Variants in APCDD1L observed in about 807,000 individuals in gnomAD.
APCDD1L encodes the protein APC down-regulated 1 like.
Under a neutral mutation model 24.2 loss-of-function variants are expected in APCDD1L, and 21 were observed. The ratio of observed to expected loss-of-function variants is 0.87; its 90% CI spans 0.61 to 1.25. The LOEUF (loss-of-function observed/expected upper bound fraction) is 1.25. Ranked by LOEUF, APCDD1L falls within the 50% of genes most tolerant of loss-of-function variation. APCDD1L has a pLI of 0.00. For synonymous variants in APCDD1L, 321 were observed against 323.6 expected, an observed-to-expected ratio of 0.99 and a Z score of 0.09; for missense variants, 704 against 711.7, an observed-to-expected ratio of 0.99 and a Z score of 0.12.
chr20:58,462,731 C>A (rs1989631920), intron 3 of APCDD1L, among the ~76,000 whole-genome samples: 2 of 151,828 alleles, frequency 1.3e-5, no homozygotes, highest in South Asian at 2.1e-4. Context: ...GTATTCCCAG[C>A]TACTCAGGAG....
At position 58,460,751 on chromosome 20, in the gene APCDD1L, T is replaced by TG. The variant is rs1376096239; in HGVS notation, c.*38dup. 2.0e-6 allele frequency: 3 copies of TG among 1,506,840 alleles called. No homozygotes were observed. Among genetic ancestry groups the TG allele is most frequent in the Non-Finnish European group, 2.7e-6 (3 of 1,127,782 alleles). The allele number at this position is 1,506,840 out of a possible 1,614,324, so 93.3% of individuals were successfully genotyped here. A position where few individuals can be genotyped will look rare whatever the true frequency, so the allele number is the denominator to read the frequency against. On this transcript the variant is annotated 3_prime_UTR_variant, in exon 4 of 4. Transcript: ENST00000371149. The surrounding 1 kb of genome is among the most constrained non-coding windows in gnomAD (Gnocchi z 4.2). ...CCAGGAGGGAGTCTGAAGGGTTGAA[T>TG]GGGTGTCCAGAGCCGCCATCCTGAT...
chr20:58,483,319 C>T (rs1990060590), intron 1 of APCDD1L, among the ~76,000 whole-genome samples: 1 of 152,106 alleles, frequency 6.6e-6, no homozygotes, highest in East Asian at 1.9e-4. Context: ...CTGGAATGTT[C>T]TCCAGGAGGT....
chr20:58,460,899 G>A lies in APCDD1L; in HGVS notation c.1397C>T (p.Pro466Leu), dbSNP rs138379271. The change falls in exon 4 of 4, where the codon CCG becomes CTG. Residue 466 changes from proline to leucine, a missense_variant. Physicochemically the swap from Pro to Leu is moderately conservative, Grantham distance 98. Transcript: ENST00000371149. The surrounding 1 kb of genome is among the most constrained non-coding windows in gnomAD (Gnocchi z 4.2). ...HGEAPDFSRP[P>L]QHRPSLQKHP... ...CTTCTGCAGCGATGGCCTGTGCTGCGGTGGCCTGGAGAAGTCGGGGGCCTC... is the reference window on the plus strand; with the variant it reads ...CTTCTGCAGCGATGGCCTGTGCTGCAGTGGCCTGGAGAAGTCGGGGGCCTC... The A allele has an allele frequency of 2.8e-5, 45 of 1,608,934 alleles. No homozygotes were observed. The highest frequency in any genetic ancestry group is 4.4e-5 in the South Asian group (4 of 90,606).
chr20:58,480,140 C>T (rs948361999), intron 1 of APCDD1L, among the ~76,000 whole-genome samples: 4 of 152,180 alleles, frequency 2.6e-5, no homozygotes, highest in African/African-American at 9.7e-5. Context: ...TCTTCGTGTT[C>T]AGGGCTGGCA....
In APCDD1L at chr20:58,502,036, C is replaced by T. The variant is rs182140677; in HGVS notation, c.49+12623G>A. On this transcript the variant is annotated intron_variant, in intron 1 of 3. Coordinates refer to ENST00000371149, the MANE Select transcript of APCDD1L (RefSeq NM_153360.3). ...ATCTAATAGCCCACCTCCCTGGTCA[C>T]TCTCCCCACTCCCTTTCTCCTCTCC... 1.1e-4 allele frequency among the ~76,000 whole-genome samples: 16 copies of T among 152,300 alleles called. No homozygotes were observed. The East Asian group carries it at 2.5e-3, about 24-fold the overall frequency.
chr20:58,506,679 A>G (rs907159993), intron 1 of APCDD1L, among the ~76,000 whole-genome samples: 1 of 152,202 alleles, frequency 6.6e-6, no homozygotes, highest in Non-Finnish European at 1.5e-5. Context: ...TTCTCTCTTC[A>G]ACAACTCTCA....
At chr20:58,492,716 C>T (rs1010570005) in intron 1 of APCDD1L, among the ~76,000 whole-genome samples, 3 of 152,260 alleles carry the variant, frequency 2.0e-5, no homozygotes, top group Admixed American at 6.5e-5. Context: ...CTGATATATA[C>T]GCCTGTGCAT....
rs78794730 is a variant in APCDD1L at position 58,499,947 on chromosome 20, G to A, written c.49+14712C>T. 1.2e-3 allele frequency among the ~76,000 whole-genome samples: 181 copies of A among 152,186 alleles called. 1 individual carries two copies. The East Asian group carries it at 0.019, about 16-fold the overall frequency. On this transcript the variant is annotated intron_variant, in intron 1 of 3. Coordinates refer to ENST00000371149, the MANE Select transcript of APCDD1L (RefSeq NM_153360.3). ...TACTCTTTCAACAGATATTTTGTAT[G>A]TGTGCCTACTACAGACTGGGCACTT...
intron 2 of APCDD1L, among the ~76,000 whole-genome samples, chr20:58,468,455 G>A (rs1989757065): frequency 6.6e-6 from 1 of 152,106 alleles, no homozygotes; most frequent in South Asian, 2.1e-4. Context: ...GGAGGCCTCT[G>A]GGACTTCCTA....
intron 1 of APCDD1L, among the ~76,000 whole-genome samples, chr20:58,501,376 G>C (rs924516722): frequency 4.6e-5 from 7 of 152,128 alleles, no homozygotes; most frequent in African/African-American, 1.7e-4. Flanking sequence ...AGTCTGACTG[G>C]TGTCCCTGTA....
intron 1 of APCDD1L, among the ~76,000 whole-genome samples, chr20:58,483,359 G>T (rs1479503674): frequency 6.6e-6 from 1 of 150,874 alleles, no homozygotes; most frequent in Non-Finnish European, 1.5e-5. Flanking sequence ...GGTGAGATCA[G>T]GTGTATGCTT....
intron 1 of APCDD1L, among the ~76,000 whole-genome samples, chr20:58,499,840 T>G (rs901805565): frequency 6.6e-5 from 10 of 152,010 alleles, no homozygotes; most frequent in African/African-American, 2.4e-4. Flanking sequence ...CTCTCTTGAG[T>G]CTTCAACCTC....
At chr20:58,478,702 C>T (rs1401501685) in intron 1 of APCDD1L, among the ~76,000 whole-genome samples, 1 of 152,116 alleles carries the variant, frequency 6.6e-6, no homozygotes, top group East Asian at 1.9e-4. Context: ...ACGTGTGTGA[C>T]TTCCTTGTTG....
intron 3 of APCDD1L, among the ~76,000 whole-genome samples, chr20:58,464,105 T>C (rs1415906327): frequency 6.6e-6 from 1 of 152,106 alleles, no homozygotes; most frequent in African/African-American, 2.4e-5. Context: ...AGCCGGAGTG[T>C]TGGTGATTGG....
chr20:58,488,699 A>C (rs1049314435), intron 1 of APCDD1L, among the ~76,000 whole-genome samples: 10 of 152,368 alleles, frequency 6.6e-5, no homozygotes, highest in Middle Eastern at 3.4e-3. Context: ...AGTACACATC[A>C]AAACTCATGG....
At chr20:58,488,708 G>A (rs1990169261) in intron 1 of APCDD1L, among the ~76,000 whole-genome samples, 1 of 152,168 alleles carries the variant, frequency 6.6e-6, no homozygotes, top group Admixed American at 6.5e-5. Context: ...CAAAACTCAT[G>A]GAATGCAGAT....
At chr20:58,499,382 AT>A (rs1417670534) in intron 1 of APCDD1L, among the ~76,000 whole-genome samples, 2 of 152,162 alleles carry the variant, frequency 1.3e-5, no homozygotes, top group Non-Finnish European at 2.9e-5. Flanking sequence ...AGCCTGCAGC[AT>A]CCCCACACCT....
chr20:58,479,444 T>C (rs1322563795), intron 1 of APCDD1L, among the ~76,000 whole-genome samples: 2 of 151,770 alleles, frequency 1.3e-5, no homozygotes, highest in African/African-American at 4.8e-5. Flanking sequence ...GTATCAGAGG[T>C]TTTCAAGTTG....
rs79184864 is a variant in APCDD1L, at chr20:58,468,295, A to G, written c.189-637T>C. Among the ~76,000 whole-genome samples, 768 of 152,342 alleles carry G rather than the reference A, an allele frequency of 5.0e-3. 10 individuals carry two copies. The highest frequency in any genetic ancestry group is 0.017 in the African/African-American group (721 of 41,570). ...CATGGATGGGCATGGTTGTGTGCCA[A>G]TAAAACTTTGTTTACAAAAATGGGA... On this transcript the variant is annotated intron_variant, in intron 2 of 3. Coordinates refer to ENST00000371149, the MANE Select transcript of APCDD1L (RefSeq NM_153360.3).
Sources: gnomAD v4.1 joint callset for allele counts (sites outside exome capture counted in the v4.1 genomes callset) on GRCh38, gnomAD v4.1.1 for gene constraint, Gnocchi (gnomAD v3.1) non-coding constraint, MANE v1.5 for transcripts, NCBI Gene and HGNC (gene_info 2026-07-23, HGNC 2026-07-21) for gene names.